DMBX1: variants seen among roughly 807,000 people sequenced by gnomAD.
DMBX1 encodes the protein diencephalon/mesencephalon homeobox 1.
A neutral mutation model predicts 30.4 loss-of-function variants in DMBX1; 7 were observed. The observed-to-expected ratio is 0.23, with a 90% CI of 0.13 to 0.43. The LOEUF is 0.43. Among genes scored for constraint, DMBX1 ranks in the 20% least tolerant of loss-of-function variants. DMBX1 has a pLI of 1.00. For synonymous variants in DMBX1, 222 were observed against 214.2 expected, an observed-to-expected ratio of 1.04 and a Z score of -0.32; for missense variants, 460 against 508.5, an observed-to-expected ratio of 0.90 and a Z score of 0.92.
In DMBX1 at chr1:46,510,760, A is replaced by G; in HGVS notation, c.333+106A>G. 1 of 1,423,092 alleles carries G rather than the reference A, an allele frequency of 7.0e-7. No homozygotes were observed. Among genetic ancestry groups the G allele is most frequent in the Non-Finnish European group, 9.4e-7 (1 of 1,058,274 alleles). The allele number at this position is 1,423,092 out of a possible 1,614,324, so 88.2% of individuals were successfully genotyped here. A position where few individuals can be genotyped will look rare whatever the true frequency, so the allele number is the denominator to read the frequency against. On this transcript the variant is annotated intron_variant, in intron 4 of 5. Transcript: ENST00000360032. This position sits in a 1 kb window ranked among gnomAD's most constrained non-coding sequence, Gnocchi z 4.1. ...TCATCCCTGTGCCAAGGTGCAACTG[A>G]TCTCTCCATCAAAGCCTTCAGTGAT...
chr1:46,497,594 A>G (rs1319607493), intron 2 of DMBX1, among the ~76,000 whole-genome samples: 2 of 152,222 alleles, frequency 1.3e-5, no homozygotes, highest in Admixed American at 6.5e-5. Flanking sequence ...GTGTGACCCA[A>G]GGAAAGGTCC....
Position 46,511,117 on chromosome 1 carries a change from T to G in DMBX1, c.516T>G (p.Ala172=). 1 of 1,614,058 alleles carries G rather than the reference T, an allele frequency of 6.2e-7. No homozygotes were observed. Among genetic ancestry groups the G allele is most frequent in the East Asian group, 2.2e-5 (1 of 44,890 alleles). ...GTCTGCCTGGCAGCGACCCCCCTGC[T>G]GAGCTTCACCTGAGTCTGTCTGAGC... ...PPRLPGSDPP[A]ELHLSLSEQS... Residue 172 remains alanine (A), a synonymous_variant, in exon 5 of 6, where the codon GCT becomes GCG. Coordinates refer to ENST00000360032, the MANE Select transcript of DMBX1 (RefSeq NM_172225.2).
At chr1:46,507,959 G>A (rs1262229954) in intron 3 of DMBX1, among the ~76,000 whole-genome samples, 2 of 151,990 alleles carry the variant, frequency 1.3e-5, no homozygotes, top group Non-Finnish European at 2.9e-5. Flanking sequence ...CCCAAGGTAA[G>A]TACCCATATA....
chr1:46,504,829 G>T (rs1451922912), intron 2 of DMBX1, among the ~76,000 whole-genome samples: 7 of 150,104 alleles, frequency 4.7e-5, no homozygotes, highest in East Asian at 3.9e-4. Flanking sequence ...TCACGATATT[G>T]ATTCTTCCTA....
intron 2 of DMBX1, among the ~76,000 whole-genome samples, chr1:46,506,566 C>G (rs907005754): frequency 6.6e-6 from 1 of 152,238 alleles, no homozygotes; most frequent in African/African-American, 2.4e-5. Context: ...ATGACTAACA[C>G]TTTTGAGCAC....
At chr1:46,508,578 C>T (rs1433140215) in intron 3 of DMBX1, among the ~76,000 whole-genome samples, 1 of 152,160 alleles carries the variant, frequency 6.6e-6, no homozygotes, top group Non-Finnish European at 1.5e-5. Context: ...ACATCAGCTC[C>T]TGACAGTATT....
chr1:46,498,922 A>G (rs1322560890), intron 2 of DMBX1, among the ~76,000 whole-genome samples: 3 of 152,204 alleles, frequency 2.0e-5, no homozygotes, highest in African/African-American at 4.8e-5. Flanking sequence ...TATGAGCTGG[A>G]GGGAGAGGAG....
Position 46,512,033 on chromosome 1 carries a change from C to A in DMBX1, c.683-10C>A. 6.2e-7 allele frequency: 1 copy of A among 1,605,704 alleles called. No homozygotes were observed. Among genetic ancestry groups the A allele is most frequent in the South Asian group, 1.1e-5 (1 of 90,574 alleles). On this transcript the variant is annotated splice_polypyrimidine_tract_variant and intron_variant, in intron 5 of 5. Transcript: ENST00000360032. The surrounding 1 kb of genome is among the most constrained non-coding windows in gnomAD (Gnocchi z 4.8). ...CCTGAGGGCTTTGTTCTTGGGTTCT[C>A]TGCTTGCAGATTCCCCAGGCAGCCT...
chr1:46,502,664 A>G (rs1237679684), intron 2 of DMBX1, among the ~76,000 whole-genome samples: 2 of 152,136 alleles, frequency 1.3e-5, no homozygotes, highest in Admixed American at 1.3e-4. Flanking sequence ...AGGCAGGAGG[A>G]CTGCTTGAGC....
Position 46,515,836 on chromosome 1 carries a change from C to T in DMBX1, c.*3342C>T, listed in dbSNP as rs1005054037. Among the ~76,000 whole-genome samples the T allele has an allele frequency of 6.6e-6, 1 of 152,224 alleles. No individual in the cohort carries two copies. The highest frequency in any genetic ancestry group is 1.5e-5 in the Non-Finnish European group (1 of 68,042). ...CTCTGACTGTCCCTTCCAGGAATGC[C>T]TCATGCCTGGCCTCTCCCTGCTGTC... On this transcript the variant is annotated 3_prime_UTR_variant, in exon 6 of 6. Transcript: ENST00000360032.
At chr1:46,507,502 G>T (rs1053426758) in intron 3 of DMBX1, among the ~76,000 whole-genome samples, 1 of 152,194 alleles carries the variant, frequency 6.6e-6, no homozygotes, top group African/African-American at 2.4e-5. Flanking sequence ...TGGCTGGGAA[G>T]TAGCTGGAAG....
chr1:46,501,833 C>T (rs1666143138), intron 2 of DMBX1, among the ~76,000 whole-genome samples: 2 of 152,076 alleles, frequency 1.3e-5, no homozygotes, highest in African/African-American at 4.8e-5. Flanking sequence ...TTTTTTATTC[C>T]TAAGTAAGAG....
Position 46,510,565 on chromosome 1 carries a change from G to A in DMBX1, c.244G>A (p.Glu82Lys). The part of the protein sequence containing the change: ...AFTAQQLEAL[E>K]KTFQKTHYPD... ...CACGGCTCAGCAGCTCGAGGCCCTGGAAAAGACCTTCCAGAAGACTCACTA... is the reference window on the plus strand; with the variant it reads ...CACGGCTCAGCAGCTCGAGGCCCTGAAAAAGACCTTCCAGAAGACTCACTA... The change falls in exon 4 of 6, where the codon GAA becomes AAA. Residue 82 changes from glutamate to lysine, a missense_variant. Coordinates refer to ENST00000360032, the MANE Select transcript of DMBX1 (RefSeq NM_172225.2). The surrounding 1 kb of genome is among the most constrained non-coding windows in gnomAD (Gnocchi z 4.1). 6.2e-7 allele frequency: 1 copy of A among 1,614,178 alleles called. No individual in the cohort carries two copies. The highest frequency in any genetic ancestry group is 8.5e-7 in the Non-Finnish European group (1 of 1,180,034).
At chr1:46,500,156 G>A (rs936195168) in intron 2 of DMBX1, among the ~76,000 whole-genome samples, 3 of 152,054 alleles carry the variant, frequency 2.0e-5, no homozygotes, top group Non-Finnish European at 2.9e-5. Flanking sequence ...TAGGTAGTCT[G>A]GTAGTGCTTG....
chr1:46,496,669 C>T (rs1228913376), intron 2 of DMBX1, among the ~76,000 whole-genome samples: 1 of 152,256 alleles, frequency 6.6e-6, no homozygotes, highest in African/African-American at 2.4e-5. Context: ...CATGCATACA[C>T]ATGAACGAAT....
chr1:46,494,408 A>C (rs1250058604), intron 2 of DMBX1, among the ~76,000 whole-genome samples: 1 of 152,256 alleles, frequency 6.6e-6, no homozygotes, highest in Non-Finnish European at 1.5e-5. Context: ...GGCCTCCCTC[A>C]GTCTCGGCCC....
At position 46,512,222 on chromosome 1, in the gene DMBX1, C is replaced by T. The variant is rs549969826; in HGVS notation, c.862C>T (p.Pro288Ser). The change falls in exon 6 of 6, where the codon CCT becomes TCT. Residue 288 changes from proline (P) to serine (S), a missense_variant. This residue lies in a region of DMBX1 where 334 missense variants were observed against 345.1 expected (regional missense o/e 0.97). Transcript: ENST00000360032. This position sits in a 1 kb window ranked among gnomAD's most constrained non-coding sequence, Gnocchi z 4.8. ...GTCCTTCGAAGTAGGGGGTCCGGCCCCTGCTGCTGCAGCGGCGGCTGCTGC... is the reference window on the plus strand; with the variant it reads ...GTCCTTCGAAGTAGGGGGTCCGGCCTCTGCTGCTGCAGCGGCGGCTGCTGC... Reference protein sequence around the residue: ...YSSFEVGGPAPAAAAAAAAVP... With the variant: ...YSSFEVGGPASAAAAAAAAVP... 6.2e-7 allele frequency: 1 copy of T among 1,614,006 alleles called. No homozygotes were observed. The highest frequency in any genetic ancestry group is 1.3e-5 in the African/African-American group (1 of 75,028).
At position 46,510,493 on chromosome 1, in the gene DMBX1, C is replaced by T. The variant is rs1666341972; in HGVS notation, c.172C>T (p.Arg58Cys). ...ERLADIILEA[R>C]YGSQHRKQRR... ...ATTTCAAGACATCATCTTGGAGGCC[C>T]GTTATGGTTCCCAGCACCGCAAACA... Residue 58 changes from arginine to cysteine, a missense_variant, in exon 4 of 6, where the codon CGT becomes TGT. By Grantham distance (180) the Arg-to-Cys change is radical. This residue lies in a region of DMBX1 where 124 missense variants were observed against 144.0 expected (regional missense o/e 0.86). Coordinates refer to ENST00000360032, the MANE Select transcript of DMBX1 (RefSeq NM_172225.2). This position sits in a 1 kb window ranked among gnomAD's most constrained non-coding sequence, Gnocchi z 4.1. The T allele has an allele frequency of 5.0e-6, 8 of 1,613,970 alleles. No individual in the cohort carries two copies. The highest frequency in any genetic ancestry group is 3.3e-5 in the South Asian group (3 of 91,082).
intron 2 of DMBX1, among the ~76,000 whole-genome samples, chr1:46,501,904 A>G (rs1371268820): frequency 6.6e-6 from 1 of 152,098 alleles, no homozygotes; most frequent in African/African-American, 2.4e-5. Flanking sequence ...TTTTTTATGA[A>G]TTCCTCTATG....
Sources: allele counts gnomAD v4.1 joint callset (sites outside exome capture counted in the v4.1 genomes callset), GRCh38; gene constraint gnomAD v4.1.1; regional missense constraint gnomAD v4.1.1; non-coding constraint Gnocchi (gnomAD v3.1); transcripts MANE v1.5; gene names NCBI Gene and HGNC (gene_info 2026-07-23, HGNC 2026-07-21).